Variants in NUP205 observed in about 807,000 individuals in gnomAD.
NUP205 encodes nucleoporin 205, also known as nuclear pore complex protein Nup205.
In NUP205, 76 loss-of-function variants were observed where a neutral mutation model predicts 253.8. The ratio of observed to expected loss-of-function variants is 0.30; its 90% CI spans 0.25 to 0.36. The LOEUF is 0.36. NUP205 is among the 10% of genes least tolerant of loss of function. The pLI is 1.00. For missense variants in NUP205, 2,162 were observed against 2,425.5 expected (o/e 0.89, Z 2.28); for synonymous variants, 832 against 850.1 (o/e 0.98, Z 0.37).
chr7:135,578,610 G>A, intron 6 of NUP205, 141 bp from the exon 7 acceptor site: 2 of 561,376 alleles, frequency 3.6e-6, no homozygotes, highest in Non-Finnish European at 6.2e-6. Flanking sequence ...TGTACCTTTT[G>A]GGATGTAGAA....
At chr7:135,587,376 G>A (rs1806496112) in intron 8 of NUP205, among the ~76,000 whole-genome samples, 199 bp from the exon 9 acceptor site, 1 of 152,084 alleles carries the variant, frequency 6.6e-6, no homozygotes, top group Non-Finnish European at 1.5e-5. Context: ...ATGCATTCAA[G>A]TTTTAAGATA....
chr7:135,604,001 T>C (rs1794027650), intron 18 of NUP205, among the ~76,000 whole-genome samples: 1 of 152,182 alleles, frequency 6.6e-6, no homozygotes, highest in Non-Finnish European at 1.5e-5. Context: ...TCCCTGTGTG[T>C]GTGTTTGTGT....
At chr7:135,647,798 AGATT>A (rs5887738) in intron 42 of NUP205, among the ~76,000 whole-genome samples, 24,539 of 152,194 alleles carry the variant, frequency 0.16, 2,173 homozygotes, top group East Asian at 0.24. Context: ...GAAAACAGGT[AGATT>A]GATCTAATAT....
chr7:135,581,724 G>A (rs572831318), intron 7 of NUP205, among the ~76,000 whole-genome samples: 13 of 151,400 alleles, frequency 8.6e-5, no homozygotes, highest in African/African-American at 2.7e-4. Flanking sequence ...ATGGTGGCGC[G>A]TGCCTGTAAT....
chr7:135,573,568 A>T, intron 2 of NUP205, 86 bp from the exon 3 acceptor site: 1 of 908,552 alleles, frequency 1.1e-6, no homozygotes, highest in Non-Finnish European at 1.7e-6. Flanking sequence ...AGGCTGAATT[A>T]TCATGAATAA....
At chr7:135,558,278 G>A (rs1471851161) in intron 1 of NUP205, 2 of 425,030 alleles carry the variant, frequency 4.7e-6, no homozygotes, top group African/African-American at 2.0e-5. Flanking sequence ...TTCACTGTGC[G>A]TCTGTGGTCC....
intron 12 of NUP205, among the ~76,000 whole-genome samples, chr7:135,594,290 T>C (rs1793768309): frequency 6.6e-6 from 1 of 152,212 alleles, no homozygotes; most frequent in African/African-American, 2.4e-5. Flanking sequence ...TATCTCTGTT[T>C]GTATTATTTC....
At position 135,628,583 on chromosome 7, in the gene NUP205, A is replaced by AT. The variant is rs566141539; in HGVS notation, c.4932+479dup. 7.2e-5 allele frequency among the ~76,000 whole-genome samples: 11 copies of AT among 152,342 alleles called. No homozygotes were observed. In the South Asian group the frequency reaches 8.3e-4, roughly 11 times the overall value. On this transcript the variant is annotated intron_variant, in intron 34 of 42. Transcript: ENST00000285968. ...TTAAATGAGTGATTTTGCTGTCAAA[A>AT]TTTTTTTAAATACCAGAAATTAGTT...
intron 10 of NUP205, among the ~76,000 whole-genome samples, chr7:135,589,264 T>G (rs1179279733): frequency 1.3e-5 from 2 of 150,394 alleles, no homozygotes; most frequent in Admixed American, 6.7e-5. Context: ...TGTGTGTGTT[T>G]TTTTTTTTCT....
intron 8 of NUP205, among the ~76,000 whole-genome samples, chr7:135,585,747 TCACCATATTGGC>T (rs1806444441): frequency 6.6e-6 from 1 of 152,118 alleles, no homozygotes; most frequent in Admixed American, 6.5e-5. Flanking sequence ...GAATGGGGTT[TCACCATATTGGC>T]CAGGCTGGTC....
At chr7:135,584,684 T>G (rs1806407517) in intron 7 of NUP205, 148 bp from the exon 8 acceptor site, 2 of 668,070 alleles carry the variant, frequency 3.0e-6, no homozygotes, top group Non-Finnish European at 5.2e-6. Flanking sequence ...ATGAGTCAAT[T>G]ACAGTTATAT....
At position 135,584,975 on chromosome 7, in the gene NUP205, A is replaced by T; in HGVS notation, c.1186A>T (p.Ile396Phe). Residue 396 changes from isoleucine to phenylalanine, a missense_variant, in exon 8 of 43, where the codon ATC becomes TTC. Transcript: ENST00000285968. ...TTATATTCGCAGAGTCCATAATCTC[A>T]TCACAGATTTCCTTGCACTTATGCC... ...EFYIRRVHNL[I>F]TDFLALMPMK... 2 of 1,607,108 alleles carry T rather than the reference A, an allele frequency of 1.2e-6. No homozygotes were observed. The highest frequency in any genetic ancestry group is 1.7e-6 in the Non-Finnish European group (2 of 1,173,824).
At position 135,617,701 on chromosome 7, in the gene NUP205, G is replaced by A. The variant is rs780464945; in HGVS notation, c.3771+19G>A. ...AATGGAGGTAAGCTCTATTGAGTAT[G>A]TGTTCGTTTCAAACTTCTAACTACT... On this transcript the variant is annotated intron_variant, in intron 27 of 42. Transcript: ENST00000285968. The A allele has an allele frequency of 1.3e-6, 2 of 1,527,920 alleles. No individual in the cohort carries two copies. The highest frequency in any genetic ancestry group is 1.8e-6 in the Non-Finnish European group (2 of 1,106,166). 94.6% of individuals were successfully genotyped at this position (1,527,920 alleles called of 1,614,324 possible).
chr7:135,618,805 G>A (rs1378174891), intron 28 of NUP205, among the ~76,000 whole-genome samples: 5 of 152,042 alleles, frequency 3.3e-5, no homozygotes, highest in African/African-American at 4.8e-5. Flanking sequence ...AGTTATCTCG[G>A]GAGCTTTGTA....
Position 135,573,799 on chromosome 7 carries a change from T to G in NUP205, c.317T>G (p.Leu106Trp). ...ILSDLFDIGE[L>W]AAVELLLAGE... The stretch of plus-strand genomic sequence containing the variant: ...AGTGACCTTTTTGATATTGGAGAAT[T>G]GGCAGCTGTTGAGCTTCTTCTTGCT... Residue 106 changes from leucine to tryptophan, a missense_variant, in exon 3 of 43, where the codon TTG (leucine) becomes TGG (tryptophan). Physicochemically the swap from Leu to Trp is moderately conservative, Grantham distance 61 (BLOSUM62 -2). Transcript: ENST00000285968. 5 of 1,612,702 alleles carry G rather than the reference T, an allele frequency of 3.1e-6. No individual in the cohort carries two copies. Among genetic ancestry groups the G allele is most frequent in the Non-Finnish European group, 2.5e-6 (3 of 1,179,636 alleles).
chr7:135,618,977 A>G (rs967809881), intron 28 of NUP205, among the ~76,000 whole-genome samples: 1 of 152,158 alleles, frequency 6.6e-6, no homozygotes. Context: ...CTCTGTATAT[A>G]TTAGATTCCT....
intron 17 of NUP205, 26 bp from the exon 18 acceptor site, chr7:135,602,778 CT>C: frequency 6.4e-7 from 1 of 1,555,738 alleles, no homozygotes; most frequent in Non-Finnish European, 8.8e-7. Flanking sequence ...AAATTTAGAA[CT>C]TTCTAACTTT....
In NUP205 at chr7:135,578,754, T is replaced by C. The variant is rs765995076; in HGVS notation, c.881T>C (p.Met294Thr). The change falls in exon 7 of 43, where the codon ATG (methionine) becomes ACG (threonine). Residue 294 changes from methionine to threonine, a missense_variant. Transcript: ENST00000285968. ...TGGTCTATTTTTGTGTTTTCAGATA[T>C]GATTCATCAACTTCCACTGTTGACA... is the stretch of plus-strand genomic sequence containing the variant. ...IEQSTEERDD[M>T]IHQLPLLTEK... 6 of 1,592,822 alleles carry C rather than the reference T, an allele frequency of 3.8e-6. No individual in the cohort carries two copies. Among genetic ancestry groups the C allele is most frequent in the South Asian group, 1.1e-5 (1 of 87,614 alleles).
intron 38 of NUP205, among the ~76,000 whole-genome samples, chr7:135,642,472 G>A (rs911265421): frequency 2.6e-5 from 4 of 151,864 alleles, no homozygotes; most frequent in Admixed American, 6.6e-5. Flanking sequence ...GTGAGCCACC[G>A]TGCCTGTCCT....
Sources: allele counts gnomAD v4.1 joint callset (sites outside exome capture counted in the v4.1 genomes callset), GRCh38; gene constraint gnomAD v4.1.1; transcripts MANE v1.5; gene names NCBI Gene and HGNC (gene_info 2026-07-23, HGNC 2026-07-21).